The following FRMD5 variants were observed in gnomAD, a reference collection of about 807,000 sequenced individuals.
FRMD5 encodes FERM domain containing 5, also known as FERM domain-containing protein 5.
FRMD5 carries 20 observed loss-of-function variants against 69.0 expected under a neutral mutation model. The ratio of observed to expected loss-of-function variants is 0.29; its 90% confidence interval spans 0.20 to 0.42. The LOEUF (loss-of-function observed/expected upper bound fraction) is 0.42, where lower values mean the gene tolerates loss of function less well. Among genes scored for constraint, FRMD5 ranks in the 10% least tolerant of loss-of-function variants. FRMD5 has a pLI of 1.00. For missense variants in FRMD5, 595 were observed against 708.6 expected, an observed-to-expected ratio of 0.84 and a Z score of 1.82; for synonymous variants, 271 against 260.1, an observed-to-expected ratio of 1.04 and a Z score of -0.40.
intron 1 of FRMD5, among the ~76,000 whole-genome samples, chr15:43,965,821 C>G (rs2090286248): frequency 6.6e-6 from 1 of 151,940 alleles, no homozygotes; most frequent in East Asian, 2.0e-4. Flanking sequence ...CTCAGGTGAT[C>G]CGCCCACCTT....
chr15:44,031,192 T>C (rs1318604883), intron 1 of FRMD5, among the ~76,000 whole-genome samples: 4 of 152,030 alleles, frequency 2.6e-5, no homozygotes, highest in Admixed American at 6.6e-5. Context: ...TAGATGAAGG[T>C]TGAAGTCCTT....
At chr15:43,890,785 G>A (rs1285057886) in intron 8 of FRMD5, among the ~76,000 whole-genome samples, 1 of 152,164 alleles carries the variant, frequency 6.6e-6, no homozygotes, top group Non-Finnish European at 1.5e-5. Flanking sequence ...CGAGTTTCCT[G>A]TCCTGTGTGA....
chr15:44,174,706 A>AT (rs1210512450), intron 1 of FRMD5, among the ~76,000 whole-genome samples: 1 of 152,232 alleles, frequency 6.6e-6, no homozygotes, highest in Non-Finnish European at 1.5e-5. Context: ...TTGAGTCAAC[A>AT]AACAGTAGAA....
intron 1 of FRMD5, among the ~76,000 whole-genome samples, chr15:44,015,791 T>C (rs1412994043): frequency 5.3e-5 from 8 of 152,236 alleles, no homozygotes; most frequent in Admixed American, 3.3e-4. Flanking sequence ...TGAAGGACTA[T>C]GCACTTACAG....
At chr15:44,095,184 C>T (rs2076533287) in intron 1 of FRMD5, among the ~76,000 whole-genome samples, 1 of 151,848 alleles carries the variant, frequency 6.6e-6, no homozygotes, top group Non-Finnish European at 1.5e-5. Context: ...ACAAGCACCT[C>T]CAGGGGATTC....
chr15:43,899,714 G>A (rs1049127336), intron 7 of FRMD5, among the ~76,000 whole-genome samples: 2 of 152,164 alleles, frequency 1.3e-5, no homozygotes, highest in African/African-American at 2.4e-5. Context: ...AAGTGACTGG[G>A]TGGCAACAGT....
intron 11 of FRMD5, 130 bp downstream of exon 11, chr15:43,885,538 CATAAGATGGGAGA>C (rs2088641921): frequency 1.4e-6 from 1 of 693,928 alleles, no homozygotes; most frequent in Non-Finnish European, 2.6e-6. Flanking sequence ...GTAAAAGGGT[CATAAGATGGGAGA>C]ATTAGATGGA....
intron 1 of FRMD5, among the ~76,000 whole-genome samples, chr15:44,089,244 T>C (rs1031322735): frequency 5.3e-5 from 8 of 152,192 alleles, no homozygotes; most frequent in African/African-American, 1.7e-4. Flanking sequence ...ACCTCAGACA[T>C]GCTTTTAAAT....
chr15:44,006,042 A>T (rs1459793356), intron 1 of FRMD5, among the ~76,000 whole-genome samples: 1 of 152,238 alleles, frequency 6.6e-6, no homozygotes, highest in African/African-American at 2.4e-5. Context: ...GATGCCATCT[A>T]GGACTTTCAT....
chr15:44,006,809 A>T (rs1272185852), intron 1 of FRMD5, among the ~76,000 whole-genome samples: 1 of 152,256 alleles, frequency 6.6e-6, no homozygotes, highest in Non-Finnish European at 1.5e-5. Flanking sequence ...CTTGAGATGG[A>T]AACTACTCCT....
chr15:44,042,817 T>C (rs1372835422), intron 1 of FRMD5, among the ~76,000 whole-genome samples: 5 of 152,216 alleles, frequency 3.3e-5, no homozygotes, highest in African/African-American at 4.8e-5. Context: ...CCACAGCCAA[T>C]ATAATACTGC....
rs557247677 is a variant in FRMD5, at chr15:43,989,608, G to A, written c.103-65299C>T. The A allele has an allele frequency of 1.2e-5, 10 of 856,310 alleles. No homozygotes were observed. In the East Asian group the frequency reaches 2.2e-4, roughly 19 times the overall value. The allele number at this position is 856,310 out of a possible 1,614,324, so 53.0% of individuals were successfully genotyped here. A position where few individuals can be genotyped will look rare whatever the true frequency, so the allele number is the denominator to read the frequency against. ...TGAAGATGTAGCTGTGCTAGGTGAG[G>A]ACCTTCATGAGGTAGTCAGTCAGGT... On this transcript the variant is annotated intron_variant, in intron 1 of 13. Coordinates refer to ENST00000417257, the MANE Select transcript of FRMD5 (RefSeq NM_032892.5).
chr15:43,972,540 G>C (rs2090397169), intron 1 of FRMD5, among the ~76,000 whole-genome samples: 1 of 152,014 alleles, frequency 6.6e-6, no homozygotes, highest in African/African-American at 2.4e-5. Context: ...ACTATAAAAA[G>C]GTACCTCTTC....
chr15:43,926,045 C>T (rs867344139), intron 1 of FRMD5, among the ~76,000 whole-genome samples: 2 of 152,208 alleles, frequency 1.3e-5, no homozygotes, highest in African/African-American at 4.8e-5. Context: ...GAACTTAGCA[C>T]AGGGCCTGAT....
At chr15:44,012,336 G>C (rs571408398) in intron 1 of FRMD5, among the ~76,000 whole-genome samples, 2 of 152,168 alleles carry the variant, frequency 1.3e-5, no homozygotes, top group Admixed American at 1.3e-4. Flanking sequence ...ACACTCTGCA[G>C]ATATTCTTTT....
intron 1 of FRMD5, among the ~76,000 whole-genome samples, chr15:43,937,388 C>G (rs1310684378): frequency 6.6e-6 from 1 of 152,160 alleles, no homozygotes; most frequent in Non-Finnish European, 1.5e-5. Context: ...AGGCTCATGC[C>G]TGTAATCCCA....
intron 1 of FRMD5, among the ~76,000 whole-genome samples, chr15:44,046,847 T>C (rs1893379787): frequency 6.6e-6 from 1 of 152,168 alleles, no homozygotes; most frequent in African/African-American, 2.4e-5. Context: ...AAACTAGACA[T>C]CCACATAGCC....
At chr15:43,927,345 G>A (rs994803121) in intron 1 of FRMD5, among the ~76,000 whole-genome samples, 3 of 152,008 alleles carry the variant, frequency 2.0e-5, no homozygotes, top group East Asian at 1.9e-4. Flanking sequence ...GCCTGAACTC[G>A]CAGGCCCTAT....
chr15:44,011,008 A>G (rs1890693238), intron 1 of FRMD5, among the ~76,000 whole-genome samples: 1 of 152,122 alleles, frequency 6.6e-6, no homozygotes, highest in Non-Finnish European at 1.5e-5. Flanking sequence ...GAACACTAAT[A>G]ACTGGAATGC....
Sources: gnomAD v4.1 joint callset for allele counts (sites outside exome capture counted in the v4.1 genomes callset) on GRCh38, gnomAD v4.1.1 for gene constraint, MANE v1.5 for transcripts, NCBI Gene and HGNC (gene_info 2026-07-23, HGNC 2026-07-21) for gene names.